The following HNRNPA1L2 variants were observed in gnomAD, a reference collection of about 807,000 sequenced individuals.
The protein encoded by HNRNPA1L2 is heterogeneous nuclear ribonucleoprotein A1 like 2.
HNRNPA1L2 carries 10 observed loss-of-function variants against 18.2 expected under a neutral mutation model. The observed-to-expected ratio is 0.55, with a 90% CI of 0.34 to 0.93. HNRNPA1L2 has a LOEUF of 0.93. HNRNPA1L2 is among the 40% of genes least tolerant of loss of function. The pLI, the probability that HNRNPA1L2 is intolerant of heterozygous loss-of-function variation, is 0.02. For missense variants in HNRNPA1L2, 308 were observed against 394.4 expected (o/e 0.78, Z 1.85); for synonymous variants, 124 against 138.6 (o/e 0.89, Z 0.74).
chr13:52,626,962 T>C, the HNRNPA1L2 span, among the ~76,000 whole-genome samples: 5 of 152,196 alleles, frequency 3.3e-5, no homozygotes, highest in East Asian at 1.9e-4. Flanking sequence ...TTTCACTTGC[T>C]CTAATATCTG....
Position 52,642,519 on chromosome 13 carries a change from G to T in HNRNPA1L2, c.27G>T (p.Glu9Asp), listed in dbSNP as rs1160014512. The part of the protein sequence containing the change: MSKSASPK[E>D]PEQLRKLFIG... ...TGTCTAAGTCAGCGTCTCCAAAAGAGCCCGAACAGCTGAGGAAGCTCTTCA... is the reference window on the plus strand; with the variant it reads ...TGTCTAAGTCAGCGTCTCCAAAAGATCCCGAACAGCTGAGGAAGCTCTTCA... Residue 9 changes from glutamate (E) to aspartate (D), a missense_variant, in exon 1 of 1, where the codon GAG becomes GAT. Coordinates refer to ENST00000357495, the MANE Select transcript of HNRNPA1L2 (RefSeq NM_001389320.1). 6.2e-7 allele frequency: 1 copy of T among 1,611,898 alleles called. No homozygotes were observed. The highest frequency in any genetic ancestry group is 1.1e-5 in the South Asian group (1 of 90,972).
At chr13:52,633,369 C>A in the HNRNPA1L2 span, among the ~76,000 whole-genome samples, 1 of 152,098 alleles carries the variant, frequency 6.6e-6, no homozygotes, top group Non-Finnish European at 1.5e-5. Context: ...TATTCTTCCC[C>A]TTTTCTTTGG....
At chr13:52,624,329 G>A in the HNRNPA1L2 span, among the ~76,000 whole-genome samples, 1 of 152,108 alleles carries the variant, frequency 6.6e-6, no homozygotes, top group Non-Finnish European at 1.5e-5. Context: ...GGCCAGGCTG[G>A]TCTTGAACTC....
At chr13:52,626,167 C>T in the HNRNPA1L2 span, among the ~76,000 whole-genome samples, 1 of 151,972 alleles carries the variant, frequency 6.6e-6, no homozygotes, top group Non-Finnish European at 1.5e-5. Context: ...AAATCTTTCT[C>T]CAAGAACTTT....
At chr13:52,637,871 C>T (rs1961513694), upstream of HNRNPA1L2, among the ~76,000 whole-genome samples, 1 of 152,058 alleles carries the variant, frequency 6.6e-6, no homozygotes, top group East Asian at 1.9e-4. Flanking sequence ...TATAATTACA[C>T]ATATTCTTTT....
the HNRNPA1L2 span, among the ~76,000 whole-genome samples, chr13:52,634,105 A>G: frequency 6.6e-6 from 1 of 152,344 alleles, no homozygotes; most frequent in African/African-American, 2.4e-5. Context: ...TTTGTTCATT[A>G]GAACTGAAGG....
rs765223673 is a variant in HNRNPA1L2 at position 52,642,506 on chromosome 13, C to T, written c.14C>T (p.Ala5Val). The T allele has an allele frequency of 2.5e-5, 41 of 1,611,700 alleles. No individual in the cohort carries two copies. Among genetic ancestry groups the T allele is most frequent in the Admixed American group, 1.3e-4 (8 of 59,948 alleles). MSKS[A>V]SPKEPEQLRK... The stretch of plus-strand genomic sequence containing the variant: ...CACCTTGCCGTCATGTCTAAGTCAG[C>T]GTCTCCAAAAGAGCCCGAACAGCTG... The change falls in exon 1 of 1, where the codon GCG (alanine) becomes GTG (valine). Residue 5 changes from alanine (A) to valine (V), a missense_variant. Physicochemically the swap from Ala to Val is moderately conservative, Grantham distance 64 (BLOSUM62 0). Transcript: ENST00000357495.
At chr13:52,618,081 A>T in the HNRNPA1L2 span, among the ~76,000 whole-genome samples, 10 of 152,112 alleles carry the variant, frequency 6.6e-5, no homozygotes. Context: ...CTGGTCATAA[A>T]CCCCAAGTAA....
rs1961699537 is a variant in HNRNPA1L2, at chr13:52,642,730, G to T, written c.238G>T (p.Asp80Tyr). ...AAMNTTPHKV[D>Y]GRVVEPKRAV... Reference sequence around the variant, plus strand: ...TATGAATACAACGCCACACAAGGTGGATGGAAGAGTTGTGGAACCAAAGAG... The same window carrying T: ...TATGAATACAACGCCACACAAGGTGTATGGAAGAGTTGTGGAACCAAAGAG... The change falls in exon 1 of 1, where the codon GAT becomes TAT. Residue 80 changes from aspartate to tyrosine, a missense_variant. Transcript: ENST00000357495. 1 of 1,601,998 alleles carries T rather than the reference G, an allele frequency of 6.2e-7. No homozygotes were observed. Among genetic ancestry groups the T allele is most frequent in the African/African-American group, 1.3e-5 (1 of 74,984 alleles).
chr13:52,629,228 CAA>C, the HNRNPA1L2 span: 66 of 167,504 alleles, frequency 3.9e-4, no homozygotes, highest in Non-Finnish European at 6.3e-4. Context: ...GTTTCAATAA[CAA>C]AATATCAGAT....
chr13:52,619,001 A>G, the HNRNPA1L2 span, among the ~76,000 whole-genome samples: 26 of 152,174 alleles, frequency 1.7e-4, no homozygotes, highest in African/African-American at 6.0e-4. Flanking sequence ...AGTACCTTTA[A>G]TATTAACTTT....
the HNRNPA1L2 span, among the ~76,000 whole-genome samples, chr13:52,624,072 G>A: frequency 6.5e-4 from 99 of 152,290 alleles, no homozygotes; most frequent in South Asian, 2.9e-3. Context: ...TCCAGGGTGG[G>A]TGTCTCAAGA....
upstream of HNRNPA1L2, chr13:52,641,035 C>A (rs1462577596): frequency 6.6e-6 from 1 of 152,196 alleles, no homozygotes; most frequent in East Asian, 1.9e-4. Context: ...AAGGAATATG[C>A]AAACTTCTGA....
At chr13:52,619,387 G>C in the HNRNPA1L2 span, among the ~76,000 whole-genome samples, 1 of 151,422 alleles carries the variant, frequency 6.6e-6, no homozygotes, top group Non-Finnish European at 1.5e-5. Context: ...ATCTTGGCTC[G>C]CTGCAACCTC....
At chr13:52,629,240 T>C in the HNRNPA1L2 span, 1 of 174,438 alleles carries the variant, frequency 5.7e-6, no homozygotes, top group Non-Finnish European at 1.3e-5. Context: ...AAATATCAGA[T>C]ATGAAAATTG....
the HNRNPA1L2 span, among the ~76,000 whole-genome samples, chr13:52,618,165 T>C: frequency 1.3e-5 from 2 of 151,924 alleles, no homozygotes; most frequent in Non-Finnish European, 2.9e-5. Flanking sequence ...AAGTAATTGC[T>C]GAGATAGTGT....
At chr13:52,624,572 A>T in the HNRNPA1L2 span, among the ~76,000 whole-genome samples, 9 of 152,362 alleles carry the variant, frequency 5.9e-5, no homozygotes, top group Admixed American at 3.9e-4. Flanking sequence ...GGAGTAATAT[A>T]CATTTGGCCC....
the HNRNPA1L2 span, among the ~76,000 whole-genome samples, chr13:52,625,811 T>C: frequency 6.6e-6 from 1 of 152,200 alleles, no homozygotes; most frequent in East Asian, 1.9e-4. Flanking sequence ...AGGGTGTTGC[T>C]CTGTGGCCCA....
the HNRNPA1L2 span, among the ~76,000 whole-genome samples, chr13:52,625,147 GT>G: frequency 6.6e-6 from 1 of 150,822 alleles, no homozygotes; most frequent in South Asian, 2.1e-4. Context: ...GAGTCTTGCT[GT>G]TTTTTGCCCA....
Sources: gnomAD v4.1 joint callset for allele counts (sites outside exome capture counted in the v4.1 genomes callset) on GRCh38, gnomAD v4.1.1 for gene constraint, MANE v1.5 for transcripts, NCBI Gene and HGNC (gene_info 2026-07-23, HGNC 2026-07-21) for gene names.